The following SERPINB2 variants were observed in gnomAD, a reference collection of about 807,000 sequenced individuals.
SERPINB2 encodes the protein plasminogen activator inhibitor 2.
In SERPINB2, 28 loss-of-function variants were observed where a neutral mutation model predicts 39.4. That is an observed-to-expected ratio of 0.71 (90% CI 0.53 to 0.97). The LOEUF (loss-of-function observed/expected upper bound fraction) is 0.97. SERPINB2 is among the 50% of genes least tolerant of loss of function. SERPINB2 has a pLI of 0.00. For synonymous variants in SERPINB2, 209 were observed against 175.1 expected (o/e 1.19, Z -1.53); for missense variants, 557 against 505.3 (o/e 1.10, Z -0.98).
intron 1 of SERPINB2, 78 bp from the exon 2 acceptor site, chr18:63,891,358 G>A: frequency 7.0e-7 from 1 of 1,427,674 alleles, no homozygotes; most frequent in Non-Finnish European, 9.7e-7. Context: ...AATGCAGCCT[G>A]TCCTACTGTT....
Position 63,901,842 on chromosome 18 carries a change from A to G in SERPINB2, c.638A>G (p.Glu213Gly). 6.2e-7 allele frequency: 1 copy of G among 1,604,120 alleles called. No homozygotes were observed. Residue 213 changes from glutamate to glycine, a missense_variant, in exon 6 of 8, where the codon GAG (glutamate) becomes GGG (glycine). Coordinates refer to ENST00000299502, the MANE Select transcript of SERPINB2 (RefSeq NM_002575.3). The part of the protein sequence containing the change: ...YFKGKWKTPF[E>G]KKLNGLYPFR... ...AAAGGAAAGTGGAAAACTCCATTTG[A>G]GAAGAAACTAAATGGGCTTTATCCT...
intron 2 of SERPINB2, 95 bp downstream of exon 2, chr18:63,891,707 G>A (rs755796873): frequency 2.4e-6 from 3 of 1,243,164 alleles, no homozygotes; most frequent in Non-Finnish European, 2.2e-6. Context: ...TTTTAACTCA[G>A]GAGGTCAGCA....
intron 2 of SERPINB2, among the ~76,000 whole-genome samples, chr18:63,892,166 G>A (rs1225221371): frequency 6.6e-6 from 1 of 152,006 alleles, no homozygotes; most frequent in South Asian, 2.1e-4. Context: ...AGGATGCATG[G>A]ATAGTGTTGT....
intron 1 of SERPINB2, chr18:63,889,805 T>G (rs2049914387): frequency 6.6e-6 from 1 of 152,158 alleles, no homozygotes; most frequent in South Asian, 2.1e-4. Flanking sequence ...ATTACAGGTT[T>G]ACTACTTTTT....
At chr18:63,900,322 A>G (rs1429593579) in intron 5 of SERPINB2, among the ~76,000 whole-genome samples, 2 of 152,212 alleles carry the variant, frequency 1.3e-5, no homozygotes, top group Non-Finnish European at 2.9e-5. Flanking sequence ...GTATATATTA[A>G]ATGAATACAT....
At chr18:63,901,048 A>G (rs561370283) in intron 5 of SERPINB2, among the ~76,000 whole-genome samples, 1 of 152,130 alleles carries the variant, frequency 6.6e-6, no homozygotes, top group African/African-American at 2.4e-5. Flanking sequence ...TGCTTCTTAA[A>G]CCAATTTCAT....
intron 1 of SERPINB2, chr18:63,890,057 C>T (rs919321235): frequency 9.8e-5 from 15 of 152,288 alleles, no homozygotes; most frequent in African/African-American, 3.4e-4. Context: ...ATCACCTCTA[C>T]CTCATACAGA....
chr18:63,897,301 A>C, intron 4 of SERPINB2, 82 bp downstream of exon 4: 23 of 1,491,902 alleles, frequency 1.5e-5, no homozygotes, highest in Non-Finnish European at 2.0e-5. Context: ...ACAATTCAAC[A>C]GTTCATAAAA....
At chr18:63,902,615 G>A (rs1238928484) in intron 7 of SERPINB2, 47 bp downstream of exon 7, 38 of 1,500,116 alleles carry the variant, frequency 2.5e-5, no homozygotes, top group Non-Finnish European at 3.3e-5. Flanking sequence ...CCTACCTTTC[G>A]TGAGATGAGA....
chr18:63,897,349 C>T (rs2049966540), intron 4 of SERPINB2, 130 bp downstream of exon 4: 2 of 1,074,050 alleles, frequency 1.9e-6, no homozygotes, highest in South Asian at 1.7e-5. Flanking sequence ...CTAGGGCTGG[C>T]CTTGCGTAAC....
chr18:63,893,653 A>G (rs142562034), intron 2 of SERPINB2, among the ~76,000 whole-genome samples: 12 of 152,194 alleles, frequency 7.9e-5, no homozygotes, highest in Non-Finnish European at 1.0e-4. Context: ...AACCATTTGC[A>G]TCTCAGTTTT....
At position 63,902,908 on chromosome 18, in the gene SERPINB2, G is replaced by A. The variant is rs926522669; in HGVS notation, c.851G>A (p.Ser284Asn). The A allele has an allele frequency of 3.1e-6, 5 of 1,588,154 alleles. No homozygotes were observed. The highest frequency in any genetic ancestry group is 4.3e-6 in the Non-Finnish European group (5 of 1,166,472). Residue 284 changes from serine (S) to asparagine (N), a missense_variant, in exon 8 of 8, where the codon AGT (serine) becomes AAT (asparagine). Physicochemically the swap from Ser to Asn is conservative, Grantham distance 46. Transcript: ENST00000299502. ...TTTTGTTTTGCTTTGCAGCTGGAAA[G>A]TGAAATAACCTATGACAAACTCAAC... ...DVSTGLELLE[S>N]EITYDKLNKW...
At chr18:63,888,479 T>C (rs141706787) in intron 1 of SERPINB2, among the ~76,000 whole-genome samples, 197 of 152,334 alleles carry the variant, frequency 1.3e-3, no homozygotes, top group African/African-American at 4.3e-3. Flanking sequence ...TGATGAGATA[T>C]TCCCTTGAAA....
intron 5 of SERPINB2, among the ~76,000 whole-genome samples, chr18:63,899,582 T>A (rs2049980150): frequency 1.3e-5 from 2 of 152,346 alleles, no homozygotes; most frequent in South Asian, 2.1e-4. Flanking sequence ...AGAGAGCTCC[T>A]ATCCATCTTA....
Position 63,891,617 on chromosome 18 carries a change from G to A in SERPINB2, c.168+5G>A. On this transcript the variant is annotated splice_donor_5th_base_variant and intron_variant, in intron 2 of 7. Transcript: ENST00000299502. ...ACCGAAGACCAGATGGCCAAGGTGA[G>A]TTTGAGCTGAAGCTCCACATTTGGG... 2 of 1,610,816 alleles carry A rather than the reference G, an allele frequency of 1.2e-6. No homozygotes were observed. The highest frequency in any genetic ancestry group is 1.7e-6 in the Non-Finnish European group (2 of 1,177,806).
intron 2 of SERPINB2, among the ~76,000 whole-genome samples, chr18:63,892,102 T>G: frequency 6.7e-6 from 1 of 148,816 alleles, no homozygotes; most frequent in African/African-American, 2.5e-5. Context: ...GTTAAGAGAG[T>G]ATCACAAAGG....
chr18:63,891,094 A>G (rs917459113), intron 1 of SERPINB2, among the ~76,000 whole-genome samples: 3 of 152,130 alleles, frequency 2.0e-5, no homozygotes, highest in African/African-American at 7.2e-5. Context: ...GAATGCCACA[A>G]AGTGTCGCTG....
At position 63,897,760 on chromosome 18, in the gene SERPINB2, T is replaced by A. The variant is rs780037278; in HGVS notation, c.451T>A (p.Ser151Thr). The change falls in exon 5 of 8, where the codon TCA becomes ACA. Residue 151 changes from serine to threonine, a missense_variant. Coordinates refer to ENST00000299502, the MANE Select transcript of SERPINB2 (RefSeq NM_002575.3). ...TCGACTCTGTCAGAAATATTACTCC[T>A]CAGAACCCCAGGCAGTAGACTTCCT... ...YIRLCQKYYS[S>T]EPQAVDFLEC... 20 of 1,612,902 alleles carry A rather than the reference T, an allele frequency of 1.2e-5. No individual in the cohort carries two copies. The highest frequency in any genetic ancestry group is 1.7e-5 in the Non-Finnish European group (20 of 1,179,104).
rs553697797 is a variant in SERPINB2 at position 63,895,362 on chromosome 18, T to G, written c.267T>G (p.Ser89Arg). The change falls in exon 3 of 8, where the codon AGT (serine) becomes AGG (arginine). Residue 89 changes from serine to arginine, a missense_variant. Ser to Arg is a moderately radical substitution (Grantham distance 110). Coordinates refer to ENST00000299502, the MANE Select transcript of SERPINB2 (RefSeq NM_002575.3). ...TCATGCAGCAGATCCAGAAGGGTAGTTATCCTGATGCGATTTTGCAGGTAT... is the reference window on the plus strand; with the variant it reads ...TCATGCAGCAGATCCAGAAGGGTAGGTATCCTGATGCGATTTTGCAGGTAT... The part of the protein sequence containing the change: ...CGFMQQIQKG[S>R]YPDAILQAQA... 1 of 1,614,096 alleles carries G rather than the reference T, an allele frequency of 6.2e-7. No individual in the cohort carries two copies. Among genetic ancestry groups the G allele is most frequent in the East Asian group, 2.2e-5 (1 of 44,880 alleles).
Sources: allele counts gnomAD v4.1 joint callset (sites outside exome capture counted in the v4.1 genomes callset), GRCh38; gene constraint gnomAD v4.1.1; transcripts MANE v1.5; gene names NCBI Gene and HGNC (gene_info 2026-07-23, HGNC 2026-07-21).